Variants in RAB6A observed in about 807,000 individuals in gnomAD.
RAB6A encodes the protein ras-related protein Rab-6A.
Under a neutral mutation model 32.3 loss-of-function variants are expected in RAB6A, and 8 were observed. The observed-to-expected ratio is 0.25, with a 90% CI of 0.15 to 0.45. The LOEUF is 0.45. Ranked by LOEUF, RAB6A falls within the 20% of genes least tolerant of loss-of-function variation. The pLI is 1.00. For missense variants in RAB6A, 104 were observed against 249.4 expected, an observed-to-expected ratio of 0.42 and a Z score of 3.93; for synonymous variants, 73 against 82.1, an observed-to-expected ratio of 0.89 and a Z score of 0.60.
chr11:73,687,113 A>C (rs1945470822), intron 6 of RAB6A, among the ~76,000 whole-genome samples: 1 of 152,166 alleles, frequency 6.6e-6, no homozygotes, highest in Non-Finnish European at 1.5e-5. Flanking sequence ...TGCAAGTGAA[A>C]CAAGTCACAC....
rs1358043454 is a variant in RAB6A at position 73,676,738 on chromosome 11, G to A, written c.*1160C>T. ...TGCCTCTAGGGGCTTACAAGAAAAC[G>A]GTTTCCGGTTTCCGTCTTCAATTTG... On this transcript the variant is annotated 3_prime_UTR_variant, in exon 8 of 8. Coordinates refer to ENST00000336083, the MANE Select transcript of RAB6A (RefSeq NM_198896.2). 1.2e-5 allele frequency: 2 copies of A among 167,010 alleles called. No individual in the cohort carries two copies. Among genetic ancestry groups the A allele is most frequent in the Non-Finnish European group, 2.9e-5 (2 of 68,098 alleles). 10.3% of individuals were successfully genotyped at this position (167,010 alleles called of 1,614,324 possible).
chr11:73,707,246 C>A (rs564638265), intron 6 of RAB6A, among the ~76,000 whole-genome samples, 174 bp downstream of exon 6: 44 of 152,134 alleles, frequency 2.9e-4, no homozygotes, highest in Middle Eastern at 3.4e-3. Context: ...GTTTGCAAGT[C>A]TTTTCTCTTT....
intron 5 of RAB6A, among the ~76,000 whole-genome samples, chr11:73,713,820 A>G (rs1201654641): frequency 6.6e-6 from 1 of 152,194 alleles, no homozygotes; most frequent in East Asian, 1.9e-4. Flanking sequence ...GAGAGATGAT[A>G]GTCTGGCAAA....
chr11:73,697,412 C>T (rs966244674), intron 6 of RAB6A, among the ~76,000 whole-genome samples: 1 of 151,978 alleles, frequency 6.6e-6, no homozygotes, highest in Non-Finnish European at 1.5e-5. Context: ...CTCACTGCAA[C>T]CTCCGCCTCA....
chr11:73,681,551 G>A (rs1049396972), intron 6 of RAB6A, among the ~76,000 whole-genome samples: 4 of 152,206 alleles, frequency 2.6e-5, no homozygotes, highest in Admixed American at 2.0e-4. Flanking sequence ...GGTGGCTCAC[G>A]CCTGTAATCT....
At chr11:73,734,486 C>A (rs978855636) in intron 1 of RAB6A, among the ~76,000 whole-genome samples, 2 of 152,132 alleles carry the variant, frequency 1.3e-5, no homozygotes, top group African/African-American at 4.8e-5. Context: ...GATAAATCTA[C>A]AGTAGCAGTC....
intron 2 of RAB6A, among the ~76,000 whole-genome samples, chr11:73,726,572 ACT>A (rs1210521131): frequency 2.2e-5 from 2 of 89,870 alleles, no homozygotes; most frequent in South Asian, 3.9e-4. Flanking sequence ...ACAGAGTGAG[ACT>A]CTGTCTCAAA....
At chr11:73,688,452 T>C (rs1396169756) in intron 6 of RAB6A, among the ~76,000 whole-genome samples, 5 of 152,182 alleles carry the variant, frequency 3.3e-5, no homozygotes, top group African/African-American at 4.8e-5. Context: ...TTGAGCCTAG[T>C]TGATGATATA....
intron 1 of RAB6A, among the ~76,000 whole-genome samples, chr11:73,756,295 A>C (rs1462905414): frequency 6.6e-6 from 1 of 152,088 alleles, no homozygotes; most frequent in Non-Finnish European, 1.5e-5. Context: ...TGGAGGGTGC[A>C]GTGAGCTGAG....
rs576259636 is a variant in RAB6A at position 73,707,745 on chromosome 11, G to A, written c.402-232C>T. Among the ~76,000 whole-genome samples the A allele has an allele frequency of 4.6e-5, 7 of 152,012 alleles. No individual in the cohort carries two copies. The South Asian group carries it at 1.5e-3, about 32-fold the overall frequency. ...GTTACTGATTTGCTTTCACTTGACT[G>A]GGCTCATCCTGTAATTTTTTTACTT... On this transcript the variant is annotated intron_variant, in intron 5 of 7. Coordinates refer to ENST00000336083, the MANE Select transcript of RAB6A (RefSeq NM_198896.2).
In RAB6A at chr11:73,677,488, TG is replaced by T. The variant is rs35511174; in HGVS notation, c.*409del. On this transcript the variant is annotated 3_prime_UTR_variant, in exon 8 of 8. Transcript: ENST00000336083. Reference sequence around the variant, plus strand: ...TAGGTAAGAATAGGGTAATAGGGAATGGGGGTAAGTGAGAGGTGAGAAAAGC... The same window carrying T: ...TAGGTAAGAATAGGGTAATAGGGAATGGGGTAAGTGAGAGGTGAGAAAAGC... 3.1e-6 allele frequency: 1 copy of T among 320,644 alleles called. No homozygotes were observed. The highest frequency in any genetic ancestry group is 6.0e-6 in the Non-Finnish European group (1 of 165,448). The allele number at this position is 320,644 out of a possible 1,614,324, so 19.9% of individuals were successfully genotyped here. A position where few individuals can be genotyped will look rare whatever the true frequency, so the allele number is the denominator to read the frequency against.
intron 3 of RAB6A, 91 bp from the exon 4 acceptor site, chr11:73,718,809 C>T (rs376485325): frequency 6.2e-7 from 1 of 1,613,880 alleles, no homozygotes; most frequent in African/African-American, 1.3e-5. Context: ...ACTACTACAG[C>T]TGCAGCAGAA....
intron 6 of RAB6A, chr11:73,704,246 GGTGGT>G: frequency 2.4e-6 from 1 of 414,858 alleles, no homozygotes; most frequent in South Asian, 1.8e-5. Context: ...AGCTGGGCAT[GGTGGT>G]GTGTGCCTGT....
rs1946829907 is a variant in RAB6A at position 73,760,557 on chromosome 11, C to T, written c.70+9G>A. 3.1e-6 allele frequency: 5 copies of T among 1,602,960 alleles called. No homozygotes were observed. In the African/African-American group the frequency reaches 5.4e-5, roughly 17 times the overall value. ...CCAGCTGCCAGGAGTAGGGGAGCCA[C>T]GCACTCACCGCTTTGCTCCCCCAGG... On this transcript the variant is annotated intron_variant, in intron 1 of 7. Coordinates refer to ENST00000336083, the MANE Select transcript of RAB6A (RefSeq NM_198896.2).
intron 1 of RAB6A, among the ~76,000 whole-genome samples, chr11:73,736,977 C>CAAAAAAAAAA (rs535172648): frequency 1.5e-5 from 1 of 64,932 alleles, no homozygotes; most frequent in Non-Finnish European, 2.9e-5. Flanking sequence ...GACACTGTCT[C>CAAAAAAAAAA]AAAAAAAAAA....
At chr11:73,753,237 A>G (rs1435849055) in intron 1 of RAB6A, among the ~76,000 whole-genome samples, 1 of 152,134 alleles carries the variant, frequency 6.6e-6, no homozygotes, top group Non-Finnish European at 1.5e-5. Context: ...GTGAGACAGC[A>G]AGGAGTTCAA....
chr11:73,731,684 T>TTGTATA (rs1555064991), intron 1 of RAB6A, among the ~76,000 whole-genome samples: 1 of 14,526 alleles, frequency 6.9e-5, no homozygotes, highest in African/African-American at 1.9e-4. Flanking sequence ...TAGATAGATA[T>TTGTATA]TATATATATA....
chr11:73,680,660 TG>T (rs1945341827), intron 6 of RAB6A, among the ~76,000 whole-genome samples: 1 of 147,568 alleles, frequency 6.8e-6, no homozygotes, highest in Admixed American at 6.9e-5. Context: ...TTGGCGGGGG[TG>T]TGGGGGGGAG....
chr11:73,689,416 G>A (rs1945510167), intron 6 of RAB6A, among the ~76,000 whole-genome samples: 1 of 152,190 alleles, frequency 6.6e-6, no homozygotes, highest in African/African-American at 2.4e-5. Context: ...AGCTCAGGCT[G>A]TAATGCTGGC....
Sources: allele counts gnomAD v4.1 joint callset (sites outside exome capture counted in the v4.1 genomes callset), GRCh38; gene constraint gnomAD v4.1.1; transcripts MANE v1.5; gene names NCBI Gene and HGNC (gene_info 2026-07-23, HGNC 2026-07-21).